The following VEPH1 variants were observed in gnomAD, a reference collection of about 807,000 sequenced individuals.
VEPH1 encodes the protein ventricular zone expressed PH domain containing 1.
VEPH1 carries 80 observed loss-of-function variants against 85.2 expected under a neutral mutation model. That is an observed-to-expected ratio of 0.94 (90% CI 0.78 to 1.13). The LOEUF is 1.13. Among genes scored for constraint, VEPH1 ranks in the 50% most tolerant of loss-of-function variants. VEPH1 has a pLI of 0.00. For missense variants in VEPH1, 955 were observed against 980.5 expected, an observed-to-expected ratio of 0.97 and a Z score of 0.35; for synonymous variants, 297 against 348.0, an observed-to-expected ratio of 0.85 and a Z score of 1.63.
chr3:157,427,586 G>A (rs772876994), intron 5 of VEPH1, among the ~76,000 whole-genome samples: 11 of 152,076 alleles, frequency 7.2e-5, no homozygotes, highest in African/African-American at 1.9e-4. Context: ...CTCCTGAGTC[G>A]CTGGGACTAC....
chr3:157,499,730 C>G (rs1739954833), intron 1 of VEPH1: 1 of 152,068 alleles, frequency 6.6e-6, no homozygotes, highest in African/African-American at 2.4e-5. Context: ...TCCCTGTGTT[C>G]GTGAAAATCT....
chr3:157,328,106 T>C (rs967460348), intron 9 of VEPH1, among the ~76,000 whole-genome samples: 1 of 152,136 alleles, frequency 6.6e-6, no homozygotes, highest in Non-Finnish European at 1.5e-5. Flanking sequence ...TTGTTTAGGG[T>C]GACCGGCCAT....
chr3:157,279,793 G>A (rs529593788), intron 12 of VEPH1, among the ~76,000 whole-genome samples: 3 of 152,126 alleles, frequency 2.0e-5, no homozygotes, highest in Middle Eastern at 3.4e-3. Flanking sequence ...CGAGGCGGGC[G>A]GATCACGAGG....
chr3:157,349,952 A>T (rs1724679510), intron 9 of VEPH1, among the ~76,000 whole-genome samples: 1 of 152,218 alleles, frequency 6.6e-6, no homozygotes, highest in African/African-American at 2.4e-5. Flanking sequence ...TAGCCAAGGC[A>T]GTCTACAGAT....
chr3:157,490,969 C>T (rs1478958621), intron 2 of VEPH1, among the ~76,000 whole-genome samples: 1 of 152,086 alleles, frequency 6.6e-6, no homozygotes, highest in Non-Finnish European at 1.5e-5. Flanking sequence ...CTACCTGTAC[C>T]AATATAGACA....
chr3:157,306,575 TTGCTCC>T (rs1201234226), intron 11 of VEPH1, among the ~76,000 whole-genome samples: 1 of 152,026 alleles, frequency 6.6e-6, no homozygotes, highest in East Asian at 1.9e-4. Flanking sequence ...GACATTTGGG[TTGCTCC>T]TGATTTTTTG....
intron 13 of VEPH1, 138 bp from the exon 14 acceptor site, chr3:157,261,508 GGCCTC>G (rs1712899084): frequency 7.3e-7 from 1 of 1,364,042 alleles, no homozygotes; most frequent in Non-Finnish European, 9.9e-7. Flanking sequence ...TGGGTGCTAA[GGCCTC>G]AGAATCATTA....
chr3:157,482,799 C>T (rs556111467), intron 2 of VEPH1, among the ~76,000 whole-genome samples: 1 of 152,108 alleles, frequency 6.6e-6, no homozygotes, highest in African/African-American at 2.4e-5. Flanking sequence ...TTGAATGTTA[C>T]TAGGTATAGA....
intron 7 of VEPH1, 58 bp downstream of exon 7, chr3:157,381,098 C>A: frequency 6.4e-7 from 1 of 1,565,370 alleles, no homozygotes; most frequent in Non-Finnish European, 8.8e-7. Context: ...TAACTGTCTG[C>A]ATTCTACCCC....
intron 7 of VEPH1, among the ~76,000 whole-genome samples, chr3:157,379,255 C>T (rs1201727647): frequency 2.6e-5 from 4 of 152,134 alleles, no homozygotes; most frequent in Non-Finnish European, 4.4e-5. Flanking sequence ...AATTATCTTT[C>T]CTCAGTCTGA....
intron 9 of VEPH1, among the ~76,000 whole-genome samples, chr3:157,340,589 C>T (rs374641017): frequency 6.6e-6 from 1 of 152,208 alleles, no homozygotes; most frequent in Non-Finnish European, 1.5e-5. Flanking sequence ...GTAGACTCCA[C>T]CTCTGGAGGC....
intron 2 of VEPH1, among the ~76,000 whole-genome samples, chr3:157,479,506 G>A (rs930084821): frequency 8.5e-5 from 13 of 152,146 alleles, no homozygotes; most frequent in Non-Finnish European, 1.9e-4. Flanking sequence ...TGGCCCACTG[G>A]CAAAAGGGAG....
intron 2 of VEPH1, among the ~76,000 whole-genome samples, chr3:157,494,448 G>A (rs1438247878): frequency 6.6e-6 from 1 of 152,164 alleles, no homozygotes; most frequent in Non-Finnish European, 1.5e-5. Flanking sequence ...AATCAAGAAG[G>A]TCAACATGAA....
In VEPH1 at chr3:157,381,303, A is replaced by G; in HGVS notation, c.980T>C (p.Leu327Pro). 1 of 1,614,186 alleles carries G rather than the reference A, an allele frequency of 6.2e-7. No individual in the cohort carries two copies. The highest frequency in any genetic ancestry group is 8.5e-7 in the Non-Finnish European group (1 of 1,180,032). Residue 327 changes from leucine (L) to proline (P), a missense_variant, in exon 7 of 14, where the codon CTC becomes CCC. Transcript: ENST00000362010. Reference sequence around the variant, plus strand: ...GGTGATGCTTTTAATCTCCAGCAGGAGAATATGGTGAAACGAATGCTCCAT... The same window carrying G: ...GGTGATGCTTTTAATCTCCAGCAGGGGAATATGGTGAAACGAATGCTCCAT... ...ANMEHSFHHI[L>P]LLEIKSITDT...
At chr3:157,362,756 GTAAGC>G (rs1726191465) in intron 9 of VEPH1, among the ~76,000 whole-genome samples, 2 of 152,160 alleles carry the variant, frequency 1.3e-5, no homozygotes, top group South Asian at 4.1e-4. Context: ...CATGTTTAAC[GTAAGC>G]TAGGCTAAGC....
At chr3:157,341,618 A>C (rs1304395657) in intron 9 of VEPH1, among the ~76,000 whole-genome samples, 2 of 152,232 alleles carry the variant, frequency 1.3e-5, no homozygotes, top group African/African-American at 4.8e-5. Flanking sequence ...ATTATCCAGG[A>C]GAACTTCCCC....
intron 6 of VEPH1, among the ~76,000 whole-genome samples, chr3:157,404,124 T>C (rs1280883415): frequency 6.6e-6 from 1 of 152,110 alleles, no homozygotes; most frequent in African/African-American, 2.4e-5. Flanking sequence ...TGCCATGTCA[T>C]CAGATGCCAT....
chr3:157,482,507 G>A (rs920667502), intron 2 of VEPH1, among the ~76,000 whole-genome samples: 1 of 152,300 alleles, frequency 6.6e-6, no homozygotes. Flanking sequence ...ACAGGTGTGA[G>A]CCACCCACGC....
chr3:157,320,679 G>GATTTGGTT (rs1204456596), intron 9 of VEPH1, among the ~76,000 whole-genome samples: 1 of 151,900 alleles, frequency 6.6e-6, no homozygotes, highest in Non-Finnish European at 1.5e-5. Flanking sequence ...ATAATCAAAG[G>GATTTGGTT]ATTTGGTTTG....
Sources: allele counts gnomAD v4.1 joint callset (sites outside exome capture counted in the v4.1 genomes callset), GRCh38; gene constraint gnomAD v4.1.1; transcripts MANE v1.5; gene names NCBI Gene and HGNC (gene_info 2026-07-23, HGNC 2026-07-21).